Variants in ADAMTSL1 observed in about 807,000 individuals in gnomAD.
ADAMTSL1 encodes ADAMTS like 1.
ADAMTSL1 carries 126 observed loss-of-function variants against 201.8 expected under a neutral mutation model. The observed-to-expected ratio is 0.62, with a 90% CI of 0.54 to 0.72. ADAMTSL1 has a LOEUF of 0.72. Ranked by LOEUF, ADAMTSL1 falls within the 30% of genes least tolerant of loss-of-function variation. The probability of loss-of-function intolerance (pLI) is 0.00; values close to 1 mark genes in which losing one functional copy is unlikely to be tolerated. For synonymous variants in ADAMTSL1, 1,121 were observed against 903.4 expected (o/e 1.24, Z -4.32); for missense variants, 2,679 against 2,277.8 (o/e 1.18, Z -3.59).
intron 1 of ADAMTSL1, among the ~76,000 whole-genome samples, chr9:18,499,124 C>T (rs1217029197): frequency 2.0e-5 from 3 of 152,250 alleles, no homozygotes; most frequent in South Asian, 4.1e-4. Context: ...ATGCAGTGGC[C>T]TCTGAAAGAC....
Position 18,038,132 on chromosome 9 carries a change from A to G in ADAMTSL1, c.88-125730A>G, listed in dbSNP as rs563353200. 3.3e-5 allele frequency among the ~76,000 whole-genome samples: 5 copies of G among 152,298 alleles called. No homozygotes were observed. The East Asian group carries it at 9.7e-4, about 29-fold the overall frequency. Reference sequence around the variant, plus strand: ...CTTCCCGCCATTATGGCCACCAATTATGTGTGTCTTTCACTGAAGCGTCAA... The same window carrying G: ...CTTCCCGCCATTATGGCCACCAATTGTGTGTGTCTTTCACTGAAGCGTCAA... On this transcript the variant is annotated intron_variant, in intron 1 of 29. Coordinates refer to the ADAMTSL1 transcript ENST00000680146.
intron 2 of ADAMTSL1, among the ~76,000 whole-genome samples, chr9:18,301,334 A>G (rs904257126): frequency 1.3e-5 from 2 of 152,230 alleles, no homozygotes; most frequent in Non-Finnish European, 2.9e-5. Context: ...ATCAGAAAAC[A>G]GTAGATAAAT....
At chr9:18,642,597 C>A (rs751707419) in intron 7 of ADAMTSL1, among the ~76,000 whole-genome samples, 1 of 151,908 alleles carries the variant, frequency 6.6e-6, no homozygotes, top group African/African-American at 2.4e-5. Flanking sequence ...CCACCCCAAC[C>A]CCCTGGTAGC....
rs148423036 is a variant in ADAMTSL1, at chr9:18,876,595, C to T, written c.4250-11236C>T. ...AAGATAGGACCCCAATCACTTCTAG[C>T]TTGTAGGGTTTCTGCCAAGAAATCT... On this transcript the variant is annotated intron_variant, in intron 23 of 28. Transcript: ENST00000380548. 6.0e-3 allele frequency among the ~76,000 whole-genome samples: 917 copies of T among 152,252 alleles called. 9 individuals are homozygous for T. Among genetic ancestry groups the T allele is most frequent in the African/African-American group, 0.021 (875 of 41,548 alleles).
At chr9:18,254,557 G>T (rs1420199088) in intron 2 of ADAMTSL1, among the ~76,000 whole-genome samples, 1 of 151,416 alleles carries the variant, frequency 6.6e-6, no homozygotes, top group Non-Finnish European at 1.5e-5. Flanking sequence ...TAAAGACGGG[G>T]TTTCACCATG....
intron 2 of ADAMTSL1, among the ~76,000 whole-genome samples, chr9:18,298,879 C>T (rs1024124981): frequency 2.6e-5 from 4 of 151,718 alleles, no homozygotes; most frequent in East Asian, 1.9e-4. Context: ...GTCGTGGTGG[C>T]GGGCGCCTGT....
At chr9:18,680,569 C>G (rs531071934) in intron 11 of ADAMTSL1, 53 bp downstream of exon 11, 2 of 1,590,700 alleles carry the variant, frequency 1.3e-6, no homozygotes, top group South Asian at 2.2e-5. Flanking sequence ...ACTCTTCCCT[C>G]TCATCATCAT....
intron 2 of ADAMTSL1, among the ~76,000 whole-genome samples, chr9:18,309,412 T>C (rs140011335): frequency 6.6e-6 from 1 of 152,294 alleles, no homozygotes; most frequent in African/African-American, 2.4e-5. Flanking sequence ...TGTTTGCAGA[T>C]GACATGATTG....
chr9:18,157,967 GTGTC>G (rs1354355016), intron 1 of ADAMTSL1, among the ~76,000 whole-genome samples: 1 of 152,102 alleles, frequency 6.6e-6, no homozygotes, highest in African/African-American at 2.4e-5. Flanking sequence ...TCACTACAGA[GTGTC>G]TGTCTAAAAA....
intron 2 of ADAMTSL1, among the ~76,000 whole-genome samples, chr9:18,180,256 G>A (rs554947208): frequency 2.4e-4 from 37 of 152,274 alleles, no homozygotes; most frequent in Middle Eastern, 3.4e-3. Flanking sequence ...CTTTAAGGCC[G>A]GGCACGGTGG....
intron 1 of ADAMTSL1, among the ~76,000 whole-genome samples, chr9:17,992,835 C>G (rs1176495233): frequency 6.6e-6 from 1 of 152,174 alleles, no homozygotes; most frequent in African/African-American, 2.4e-5. Context: ...AGGCAAGATT[C>G]AAACCCAGGT....
intron 20 of ADAMTSL1, among the ~76,000 whole-genome samples, chr9:18,799,996 T>G (rs759924748): frequency 4.6e-5 from 7 of 152,148 alleles, no homozygotes; most frequent in Non-Finnish European, 7.4e-5. Context: ...AAGGAGAGTT[T>G]TGCTTCATAA....
At chr9:18,417,367 GAA>G (rs80226819) in intron 2 of ADAMTSL1, among the ~76,000 whole-genome samples, 23 of 64,672 alleles carry the variant, frequency 3.6e-4, no homozygotes, top group African/African-American at 1.4e-3. Flanking sequence ...AAGTAAGCAG[GAA>G]AAAAAAAAAA....
At chr9:18,144,624 T>A (rs1423138580) in intron 1 of ADAMTSL1, among the ~76,000 whole-genome samples, 1 of 152,210 alleles carries the variant, frequency 6.6e-6, no homozygotes, top group African/African-American at 2.4e-5. Flanking sequence ...TCCCCAGGTC[T>A]TCCCCATTAT....
At chr9:17,931,642 T>A (rs1826795250) in intron 1 of ADAMTSL1, among the ~76,000 whole-genome samples, 1 of 152,150 alleles carries the variant, frequency 6.6e-6, no homozygotes, top group Non-Finnish European at 1.5e-5. Context: ...CAGTCTCAGA[T>A]CAGTGTTGTC....
intron 2 of ADAMTSL1, among the ~76,000 whole-genome samples, chr9:18,306,884 C>T (rs1221337047): frequency 3.3e-5 from 5 of 152,084 alleles, no homozygotes; most frequent in Admixed American, 2.0e-4. Flanking sequence ...ACCCAAGACA[C>T]ATAATTGTCA....
At chr9:17,997,535 C>T (rs1379390325) in intron 1 of ADAMTSL1, among the ~76,000 whole-genome samples, 2 of 152,144 alleles carry the variant, frequency 1.3e-5, no homozygotes, top group Admixed American at 6.5e-5. Context: ...ATTCTAAGTT[C>T]GTGGCTCTGC....
chr9:18,211,046 A>T (rs906886607), intron 2 of ADAMTSL1, among the ~76,000 whole-genome samples: 1 of 152,092 alleles, frequency 6.6e-6, no homozygotes, highest in African/African-American at 2.4e-5. Flanking sequence ...ATTTAGGATG[A>T]GCCACAGCTG....
intron 9 of ADAMTSL1, among the ~76,000 whole-genome samples, chr9:18,669,812 A>G (rs370098962): frequency 1.2e-4 from 18 of 152,254 alleles, no homozygotes; most frequent in Admixed American, 9.8e-4. Context: ...TTCATCTTAA[A>G]ACTTCTGATC....
Sources: allele counts gnomAD v4.1 joint callset (sites outside exome capture counted in the v4.1 genomes callset), GRCh38; gene constraint gnomAD v4.1.1; transcripts MANE v1.5; gene names NCBI Gene and HGNC (gene_info 2026-07-23, HGNC 2026-07-21).